The following PRPH2 variants were observed in gnomAD, a reference collection of about 807,000 sequenced individuals.
PRPH2 encodes the protein peripherin-2.
PRPH2 carries 17 observed loss-of-function variants against 31.3 expected under a neutral mutation model. That is an observed-to-expected ratio of 0.54 (90% confidence interval 0.37 to 0.81). The LOEUF is 0.81. PRPH2 is among the 40% of genes least tolerant of loss of function. The pLI is 0.00. For missense variants in PRPH2, 430 were observed against 439.7 expected, an observed-to-expected ratio of 0.98 and a Z score of 0.20; for synonymous variants, 165 against 184.4, an observed-to-expected ratio of 0.89 and a Z score of 0.85.
intron 1 of PRPH2, among the ~76,000 whole-genome samples, chr6:42,710,063 T>C (rs568793924): frequency 6.6e-6 from 1 of 152,204 alleles, no homozygotes; most frequent in Non-Finnish European, 1.5e-5. Flanking sequence ...TCTCCCCACC[T>C]CGCCTCCCTG....
At chr6:42,699,309 G>T (rs9471896) in intron 2 of PRPH2, among the ~76,000 whole-genome samples, 39,930 of 151,582 alleles carry the variant, frequency 0.26, 5,477 homozygotes, top group East Asian at 0.45. Flanking sequence ...AGATCCACCC[G>T]CCTCGACCTC....
intron 1 of PRPH2, among the ~76,000 whole-genome samples, chr6:42,712,744 T>C (rs1394198222): frequency 6.6e-6 from 1 of 151,504 alleles, no homozygotes; most frequent in Non-Finnish European, 1.5e-5. Flanking sequence ...TTTAGAGACC[T>C]TGTGCTCAAG....
Position 42,698,328 on chromosome 6 carries a change from G to A in PRPH2, c.1008C>T (p.Gly336=), listed in dbSNP as rs752365478. 8.3e-5 allele frequency: 134 copies of A among 1,613,950 alleles called. No homozygotes were observed. The highest frequency in any genetic ancestry group is 1.1e-4 in the African/African-American group (8 of 74,900). Residue 336 remains glycine (G), a synonymous_variant, in exon 3 of 3, where the codon GGC becomes GGT. Transcript: ENST00000230381. ...CCTCTGGGGCCTGGCCTGCGTCTGC[G>A]CCCTCGGCTTCCACCTGGTTGCCCT... The part of the protein sequence containing the change: ...LGKGNQVEAE[G]ADAGQAPEAG
intron 1 of PRPH2, among the ~76,000 whole-genome samples, chr6:42,716,915 G>A (rs1449936531): frequency 2.1e-5 from 3 of 144,150 alleles, no homozygotes; most frequent in South Asian, 2.2e-4. Flanking sequence ...CCACCTCACC[G>A]GGCCTTTTTT....
intron 1 of PRPH2, among the ~76,000 whole-genome samples, chr6:42,714,949 C>T (rs1456277403): frequency 2.0e-5 from 3 of 152,280 alleles, no homozygotes; most frequent in East Asian, 1.9e-4. Flanking sequence ...CAGTGGCTCA[C>T]GCCTATAATC....
intron 1 of PRPH2, among the ~76,000 whole-genome samples, chr6:42,705,015 C>A (rs1800128807): frequency 6.6e-6 from 1 of 152,192 alleles, no homozygotes; most frequent in Non-Finnish European, 1.5e-5. Context: ...CTCATCTCCC[C>A]CTTACAGGTC....
At chr6:42,705,628 A>G (rs1009550761) in intron 1 of PRPH2, among the ~76,000 whole-genome samples, 1 of 130,438 alleles carries the variant, frequency 7.7e-6, no homozygotes, top group African/African-American at 2.8e-5. Flanking sequence ...ATATATATAT[A>G]TATTTGTGCA....
Position 42,721,960 on chromosome 6 carries a change from C to T in PRPH2, c.375G>A (p.Ser125=), listed in dbSNP as rs777764923. 5.0e-5 allele frequency: 81 copies of T among 1,613,988 alleles called. No individual in the cohort carries two copies. The highest frequency in any genetic ancestry group is 5.0e-5 in the Non-Finnish European group (59 of 1,180,032). The change falls in exon 1 of 3, where the codon TCG becomes TCA. Residue 125 remains serine (S), a synonymous_variant. Transcript: ENST00000230381. The stretch of plus-strand genomic sequence containing the variant: ...GCCCTTGGCCCAGGGTGTTCTCCAG[C>T]GAGCCCCGAAGCAGAAAGCAGCAGA... ...VALCCFLLRG[S]LENTLGQGLK...
In PRPH2 at chr6:42,722,164, G is replaced by C. The variant is rs1761917045; in HGVS notation, c.171C>G (p.Ser57Arg). The C allele has an allele frequency of 6.2e-7, 1 of 1,614,094 alleles. No homozygotes were observed. Among genetic ancestry groups the C allele is most frequent in the South Asian group, 1.1e-5 (1 of 91,086 alleles). The change falls in exon 1 of 3, where the codon AGC (serine) becomes AGG (arginine). Residue 57 changes from serine to arginine, a missense_variant. Coordinates refer to ENST00000230381, the MANE Select transcript of PRPH2 (RefSeq NM_000322.5). This position sits in a 1 kb window ranked among gnomAD's most constrained non-coding sequence, Gnocchi z 4.4. ...CTATCAATGAGTTGGGCACAAAATG[G>C]CTCTCAGAATTATTCATCACATCGC... ...KRSDVMNNSE[S>R]HFVPNSLIGM...
intron 1 of PRPH2, among the ~76,000 whole-genome samples, chr6:42,713,296 A>T (rs1761711048): frequency 2.0e-5 from 3 of 151,852 alleles, no homozygotes; most frequent in Non-Finnish European, 4.4e-5. Flanking sequence ...AGAGTCAGTG[A>T]GGGAGACAGC....
In PRPH2 at chr6:42,704,249, T is replaced by A. The variant is rs1800105590; in HGVS notation, c.828+116A>T. On this transcript the variant is annotated intron_variant, in intron 2 of 2. Transcript: ENST00000230381. ...AGACTGATCTGACCCACAGCTCCAC[T>A]GAAGGCTGTTTCCAAAGAGGGAGGC... The A allele has an allele frequency of 1.2e-5, 17 of 1,398,294 alleles. No homozygotes were observed. In the South Asian group the frequency reaches 1.5e-4, roughly 12 times the overall value. The allele number at this position is 1,398,294 out of a possible 1,614,324, so 86.6% of individuals were successfully genotyped here. A position where few individuals can be genotyped will look rare whatever the true frequency, so the allele number is the denominator to read the frequency against.
intron 1 of PRPH2, 130 bp from the exon 2 acceptor site, chr6:42,704,741 G>T: frequency 7.3e-7 from 1 of 1,374,134 alleles, no homozygotes; most frequent in South Asian, 1.2e-5. Context: ...TTTGCTGTGC[G>T]CCCGCTACGT....
intron 1 of PRPH2, among the ~76,000 whole-genome samples, chr6:42,713,863 T>A (rs1487168747): frequency 7.6e-6 from 1 of 131,368 alleles, no homozygotes; most frequent in Admixed American, 9.8e-5. Context: ...AAGGTTGCAG[T>A]GAGCCAAGAT....
chr6:42,710,610 C>T (rs1800258953), intron 1 of PRPH2, among the ~76,000 whole-genome samples: 1 of 152,090 alleles, frequency 6.6e-6, no homozygotes, highest in South Asian at 2.1e-4. Flanking sequence ...TCCCAGGCTA[C>T]GAATTTCACT....
chr6:42,714,748 G>A (rs1318503356), intron 1 of PRPH2, among the ~76,000 whole-genome samples: 1 of 152,056 alleles, frequency 6.6e-6, no homozygotes, highest in African/African-American at 2.4e-5. Flanking sequence ...GAACCCCTGG[G>A]CTCAAGTGAT....
chr6:42,718,497 AAAAT>A (rs1761832027), intron 1 of PRPH2, among the ~76,000 whole-genome samples: 1 of 152,020 alleles, frequency 6.6e-6, no homozygotes, highest in African/African-American at 2.4e-5. Context: ...TAATTAAATA[AAAAT>A]AAAAGTCTGT....
chr6:42,704,314 T>G (rs1800106830), intron 2 of PRPH2, 51 bp downstream of exon 2: 1 of 1,583,352 alleles, frequency 6.3e-7, no homozygotes, highest in Non-Finnish European at 8.6e-7. Flanking sequence ...TAGACCCAAA[T>G]GGGACCGGAG....
chr6:42,711,556 G>A (rs1429096186), intron 1 of PRPH2, among the ~76,000 whole-genome samples: 2 of 94,688 alleles, frequency 2.1e-5, no homozygotes, highest in African/African-American at 4.7e-5. Flanking sequence ...GGGAGCCCCG[G>A]TCTGAGGGGG....
At chr6:42,711,889 G>C in intron 1 of PRPH2, 1 of 985,298 alleles carries the variant, frequency 1.0e-6, no homozygotes, top group Non-Finnish European at 1.2e-6. Context: ...CTGAGCTCCC[G>C]CATGTTCTAC....
Sources: allele counts gnomAD v4.1 joint callset (sites outside exome capture counted in the v4.1 genomes callset), GRCh38; gene constraint gnomAD v4.1.1; non-coding constraint Gnocchi (gnomAD v3.1); transcripts MANE v1.5; gene names NCBI Gene and HGNC (gene_info 2026-07-23, HGNC 2026-07-21).